The following LAMC2 variants were observed in gnomAD, a reference collection of about 807,000 sequenced individuals.
LAMC2 encodes laminin subunit gamma-2.
Under a neutral mutation model 140.2 loss-of-function variants are expected in LAMC2, and 97 were observed. That is an observed-to-expected ratio of 0.69 (90% CI 0.59 to 0.82). The LOEUF (loss-of-function observed/expected upper bound fraction) is 0.82, where lower values mean the gene tolerates loss of function less well. Ranked by LOEUF, LAMC2 falls within the 40% of genes least tolerant of loss-of-function variation. The pLI is 0.00. For missense variants in LAMC2, 1,402 were observed against 1,476.1 expected, an observed-to-expected ratio of 0.95 and a Z score of 0.82; for synonymous variants, 513 against 540.2, an observed-to-expected ratio of 0.95 and a Z score of 0.70.
chr1:183,195,707 G>A (rs1350373078), intron 1 of LAMC2, among the ~76,000 whole-genome samples: 1 of 152,128 alleles, frequency 6.6e-6, no homozygotes, highest in African/African-American at 2.4e-5. Context: ...TACCATTTCA[G>A]TTTTCTTATT....
chr1:183,226,913 A>T lies in LAMC2; in HGVS notation c.1282A>T (p.Thr428Ser). The stretch of plus-strand genomic sequence containing the variant: ...AGGGGGAGGGGCCTGTGATCCAGAC[A>T]CAGGTGAGTGAAATGACACCTGGAC... ...CQGGGACDPDTGDCYSGDENP... is the reference protein window; with the variant it reads ...CQGGGACDPDSGDCYSGDENP... Residue 428 changes from threonine to serine, a missense_variant, in exon 9 of 23, where the codon ACA becomes TCA. Physicochemically the swap from Thr to Ser is moderately conservative, Grantham distance 58 (BLOSUM62 1). Transcript: ENST00000264144. 1 of 1,613,310 alleles carries T rather than the reference A, an allele frequency of 6.2e-7. No individual in the cohort carries two copies. Among genetic ancestry groups the T allele is most frequent in the Non-Finnish European group, 8.5e-7 (1 of 1,179,462 alleles).
chr1:183,238,428 A>G lies in LAMC2; in HGVS notation c.2869+7A>G, dbSNP rs759082943. On this transcript the variant is annotated splice_region_variant and intron_variant, in intron 19 of 22. Coordinates refer to ENST00000264144, the MANE Select transcript of LAMC2 (RefSeq NM_005562.3). ...ATCCTTAAAAACCTCAGAGGTTAGT[A>G]CTTCATGGTTCAGGTCACTTGAGTA... 3 of 1,578,226 alleles carry G rather than the reference A, an allele frequency of 1.9e-6. No individual in the cohort carries two copies. Among genetic ancestry groups the G allele is most frequent in the South Asian group, 1.1e-5 (1 of 90,402 alleles).
chr1:183,243,013 TA>T (rs1486839956), intron 22 of LAMC2, 133 bp from the exon 23 acceptor site: 2 of 967,324 alleles, frequency 2.1e-6, no homozygotes, highest in East Asian at 4.8e-5. Flanking sequence ...AAATAAGCTT[TA>T]AAATTCATGG....
At chr1:183,204,867 CA>C (rs899409064) in intron 1 of LAMC2, among the ~76,000 whole-genome samples, 1 of 151,706 alleles carries the variant, frequency 6.6e-6, no homozygotes, top group Non-Finnish European at 1.5e-5. Flanking sequence ...TTGTCACCCA[CA>C]GTAGAGTGCA....
At chr1:183,255,660 GGGTTTTTT>G in the LAMC2 span, among the ~76,000 whole-genome samples, 2 of 114,820 alleles carry the variant, frequency 1.7e-5, no homozygotes, top group African/African-American at 7.8e-5. Flanking sequence ...TTATTCCTAA[GGGTTTTTT>G]TTTTTTTTTT....
At chr1:183,236,739 A>G in intron 17 of LAMC2, 135 bp downstream of exon 17, 3 of 1,048,568 alleles carry the variant, frequency 2.9e-6, no homozygotes, top group Non-Finnish European at 4.4e-6. Context: ...TGGGAAGAGT[A>G]TTTAGCCTTC....
chr1:183,217,257 G>C (rs774973829), intron 3 of LAMC2, among the ~76,000 whole-genome samples: 2 of 152,124 alleles, frequency 1.3e-5, no homozygotes, highest in Non-Finnish European at 2.9e-5. Context: ...ACATGATTGC[G>C]TGCAAAGTGG....
intron 7 of LAMC2, 123 bp downstream of exon 7, chr1:183,223,447 C>A: frequency 1.1e-6 from 1 of 888,702 alleles, no homozygotes; most frequent in Non-Finnish European, 1.8e-6. Context: ...CTTTTACGTA[C>A]CATGAAGGTT....
Position 183,222,345 on chromosome 1 carries a change from C to A in LAMC2, c.763+134C>A, listed in dbSNP as rs954017696. ...TAGCAGCATCTCCGGGTAGTGCAAC[C>A]CCAGAAGAGAGATGGGGGCTAAGCC... On this transcript the variant is annotated intron_variant, in intron 6 of 22. Transcript: ENST00000264144. 7.7e-6 allele frequency: 7 copies of A among 909,262 alleles called. No individual in the cohort carries two copies. The African/African-American group carries it at 1.1e-4, about 15-fold the overall frequency. 56.3% of individuals were successfully genotyped at this position (909,262 alleles called of 1,614,324 possible).
intron 1 of LAMC2, among the ~76,000 whole-genome samples, chr1:183,198,355 T>G (rs3118183): frequency 0.44 from 66,587 of 151,728 alleles, 14,839 homozygotes; most frequent in East Asian, 0.54. Flanking sequence ...ATGTTGGCCA[T>G]GATGGTCTTG....
the LAMC2 span, chr1:183,252,587 CAGG>C: frequency 1.4e-5 from 17 of 1,227,778 alleles, no homozygotes; most frequent in South Asian, 2.0e-4. Flanking sequence ...AGGAGAGAAA[CAGG>C]GGGCTGACAA....
chr1:183,232,642 T>C lies in LAMC2; in HGVS notation c.2015-10T>C. 6.2e-7 allele frequency: 1 copy of C among 1,611,642 alleles called. No individual in the cohort carries two copies. The highest frequency in any genetic ancestry group is 8.5e-7 in the Non-Finnish European group (1 of 1,179,090). On this transcript the variant is annotated splice_polypyrimidine_tract_variant and intron_variant, in intron 13 of 22. Coordinates refer to ENST00000264144, the MANE Select transcript of LAMC2 (RefSeq NM_005562.3). ...AAGTGCTCATGCTCCCTTTCCTTCT[T>C]TGCGTTCAGGTGCTAGCAGATCCCT... is the stretch of plus-strand genomic sequence containing the variant.
At chr1:183,245,341 G>T (rs566764381), downstream of LAMC2, among the ~76,000 whole-genome samples, 5 of 152,310 alleles carry the variant, frequency 3.3e-5, no homozygotes, top group African/African-American at 1.2e-4. Context: ...ATTCTGATAG[G>T]TCTGGTCACT....
At chr1:183,221,909 T>C (rs1659485666) in intron 5 of LAMC2, among the ~76,000 whole-genome samples, 180 bp from the exon 6 acceptor site, 2 of 152,046 alleles carry the variant, frequency 1.3e-5, no homozygotes, top group African/African-American at 4.8e-5. Context: ...GCAGGTGAAG[T>C]TGAGAGCCAC....
At chr1:183,191,913 T>C (rs1351231093) in intron 1 of LAMC2, among the ~76,000 whole-genome samples, 1 of 152,082 alleles carries the variant, frequency 6.6e-6, no homozygotes, top group Non-Finnish European at 1.5e-5. Context: ...TCTGGAATAC[T>C]CTCATTTAGT....
intron 2 of LAMC2, 92 bp from the exon 3 acceptor site, chr1:183,215,361 G>T (rs979504966): frequency 9.9e-6 from 14 of 1,418,970 alleles, no homozygotes; most frequent in South Asian, 1.2e-5. Context: ...TCGTGTTTAC[G>T]GAGCACCCAT....
chr1:183,226,293 A>G (rs1009133494), intron 8 of LAMC2, among the ~76,000 whole-genome samples: 4 of 152,178 alleles, frequency 2.6e-5, no homozygotes. Flanking sequence ...CAGTAAATAA[A>G]GTCGGAAGCA....
At chr1:183,199,708 C>T (rs916744966) in intron 1 of LAMC2, among the ~76,000 whole-genome samples, 7 of 152,138 alleles carry the variant, frequency 4.6e-5, no homozygotes, top group Non-Finnish European at 7.3e-5. Context: ...TGGGCTTTCA[C>T]GGGAGAGAGA....
At chr1:183,202,323 G>A (rs965833983) in intron 1 of LAMC2, among the ~76,000 whole-genome samples, 5 of 151,672 alleles carry the variant, frequency 3.3e-5, no homozygotes, top group Non-Finnish European at 7.4e-5. Flanking sequence ...CAAGCATGCA[G>A]TATAGCCTCC....
Sources: allele counts gnomAD v4.1 joint callset (sites outside exome capture counted in the v4.1 genomes callset), GRCh38; gene constraint gnomAD v4.1.1; transcripts MANE v1.5; gene names NCBI Gene and HGNC (gene_info 2026-07-23, HGNC 2026-07-21).